Variants in PTPRD observed in about 807,000 individuals in gnomAD.
PTPRD encodes receptor-type tyrosine-protein phosphatase delta.
Under a neutral mutation model 214.5 loss-of-function variants are expected in PTPRD, and 34 were observed. That is an observed-to-expected ratio of 0.16 (90% CI 0.12 to 0.21). The LOEUF (loss-of-function observed/expected upper bound fraction) is 0.21. Ranked by LOEUF, PTPRD falls within the 10% of genes least tolerant of loss-of-function variation. The pLI, the probability that PTPRD is intolerant of heterozygous loss-of-function variation, is 1.00. For synonymous variants in PTPRD, 1,128 were observed against 845.7 expected (o/e 1.33, Z -5.79); for missense variants, 2,545 against 2,398.7 (o/e 1.06, Z -1.27).
intron 14 of PTPRD, among the ~76,000 whole-genome samples, chr9:8,627,957 G>C (rs763141401): frequency 6.6e-6 from 1 of 151,890 alleles, no homozygotes; most frequent in Non-Finnish European, 1.5e-5. Context: ...TATCGTGTTG[G>C]TATCAATGTA....
At chr9:10,476,634 A>G (rs1434334843) in intron 2 of PTPRD, among the ~76,000 whole-genome samples, 1 of 152,124 alleles carries the variant, frequency 6.6e-6, no homozygotes, top group Non-Finnish European at 1.5e-5. Context: ...GCTAGGAAAA[A>G]CTAATTTAAA....
chr9:8,948,468 C>CAT lies in PTPRD; in HGVS notation c.-104+70227_-104+70228dup, dbSNP rs1170862286. On this transcript the variant is annotated intron_variant, in intron 11 of 45. Transcript: ENST00000381196. Reference sequence around the variant, plus strand: ...ATATATATATTTATATATATATTTACATATATATATATTTATATATATATT... The same window carrying CAT: ...ATATATATATTTATATATATATTTACATATATATATATATTTATATATATATT... 2.5e-4 allele frequency among the ~76,000 whole-genome samples: 2 copies of CAT among 8,054 alleles called. 1 individual carries two copies. Among genetic ancestry groups the CAT allele is most frequent in the Non-Finnish European group, 4.7e-4 (2 of 4,272 alleles). The allele number at this position is 8,054 out of a possible 152,430, so 5.3% of individuals were successfully genotyped here.
At chr9:8,936,805 G>T (rs1040116304) in intron 11 of PTPRD, among the ~76,000 whole-genome samples, 7 of 152,088 alleles carry the variant, frequency 4.6e-5, no homozygotes, top group Non-Finnish European at 7.4e-5. Flanking sequence ...AAGGATAAAG[G>T]TTTATATGGT....
chr9:8,503,305 C>T (rs572258668), intron 23 of PTPRD, among the ~76,000 whole-genome samples: 1 of 152,190 alleles, frequency 6.6e-6, no homozygotes, highest in East Asian at 1.9e-4. Flanking sequence ...GTTAACAGAG[C>T]ATCTTCTTGA....
At chr9:8,765,061 T>C (rs537187769) in intron 11 of PTPRD, among the ~76,000 whole-genome samples, 3 of 152,262 alleles carry the variant, frequency 2.0e-5, no homozygotes, top group South Asian at 2.1e-4. Context: ...AAAATGATTA[T>C]CTAGCTTCCT....
intron 14 of PTPRD, among the ~76,000 whole-genome samples, chr9:8,594,870 T>A (rs1442877907): frequency 6.7e-6 from 1 of 149,038 alleles, no homozygotes; most frequent in Non-Finnish European, 1.5e-5. Flanking sequence ...CTTTTTTTTT[T>A]TTTTTTTTTT....
intron 11 of PTPRD, among the ~76,000 whole-genome samples, chr9:8,998,315 T>C (rs973912390): frequency 6.6e-6 from 1 of 152,008 alleles, no homozygotes; most frequent in African/African-American, 2.4e-5. Context: ...TGGTGACTTT[T>C]AGTGGAAGAC....
intron 11 of PTPRD, among the ~76,000 whole-genome samples, chr9:8,977,658 AAGG>A (rs2099275575): frequency 7.6e-6 from 1 of 131,516 alleles, no homozygotes; most frequent in Admixed American, 8.2e-5. Flanking sequence ...ATTCTGTAAC[AAGG>A]AGAATTTTTT....
intron 12 of PTPRD, among the ~76,000 whole-genome samples, chr9:8,641,824 T>C (rs2096583046): frequency 6.6e-6 from 1 of 152,234 alleles, no homozygotes; most frequent in African/African-American, 2.4e-5. Context: ...ATGCACAGTA[T>C]CTTTGAACCT....
chr9:9,073,760 C>T (rs930998361), intron 10 of PTPRD, among the ~76,000 whole-genome samples: 1 of 152,118 alleles, frequency 6.6e-6, no homozygotes, highest in Non-Finnish European at 1.5e-5. Flanking sequence ...ATATGTATAT[C>T]CTATTGTGCC....
At chr9:9,131,823 T>G (rs1368093555) in intron 10 of PTPRD, among the ~76,000 whole-genome samples, 1 of 152,248 alleles carries the variant, frequency 6.6e-6, no homozygotes, top group Admixed American at 6.5e-5. Flanking sequence ...TAGTGGTTCA[T>G]GTAGTAAAAT....
chr9:8,737,071 G>A (rs762297590), intron 11 of PTPRD, among the ~76,000 whole-genome samples: 5 of 152,156 alleles, frequency 3.3e-5, no homozygotes, highest in Non-Finnish European at 5.9e-5. Context: ...CACAGAGATG[G>A]AGACCTATGA....
In PTPRD at chr9:10,222,326, A is replaced by C. The variant is rs574393679; in HGVS notation, c.-545+118637T>G. 6.6e-5 allele frequency among the ~76,000 whole-genome samples: 10 copies of C among 152,164 alleles called. No homozygotes were observed. In the East Asian group the frequency reaches 1.9e-3, roughly 30 times the overall value. ...GCTTTTTTAGGAAAATACAATAACC[A>C]TAAATCTGTGTAAAAGAGAAAATAA... On this transcript the variant is annotated intron_variant, in intron 3 of 45. Transcript: ENST00000381196.
intron 2 of PTPRD, among the ~76,000 whole-genome samples, chr9:10,563,105 C>G (rs985389570): frequency 1.3e-5 from 2 of 152,092 alleles, no homozygotes; most frequent in Non-Finnish European, 2.9e-5. Context: ...GTGTAATTCC[C>G]CACTTGTCAT....
intron 34 of PTPRD, among the ~76,000 whole-genome samples, chr9:8,441,342 T>C (rs1394527079): frequency 6.6e-6 from 1 of 152,160 alleles, no homozygotes; most frequent in Non-Finnish European, 1.5e-5. Flanking sequence ...GGTGAAATTA[T>C]TCAGCTCCAG....
intron 7 of PTPRD, among the ~76,000 whole-genome samples, chr9:9,625,049 A>G (rs1785548261): frequency 6.6e-6 from 1 of 152,190 alleles, no homozygotes; most frequent in Non-Finnish European, 1.5e-5. Context: ...TGACTCTTAA[A>G]TCCATAGTGA....
At chr9:10,463,468 T>C (rs1354701916) in intron 2 of PTPRD, among the ~76,000 whole-genome samples, 1 of 152,174 alleles carries the variant, frequency 6.6e-6, no homozygotes, top group Non-Finnish European at 1.5e-5. Context: ...AAGTTGTTTA[T>C]TTCAATTCAC....
At chr9:9,288,827 C>T (rs1319912018) in intron 9 of PTPRD, among the ~76,000 whole-genome samples, 3 of 151,806 alleles carry the variant, frequency 2.0e-5, no homozygotes, top group Non-Finnish European at 2.9e-5. Flanking sequence ...GTGATGTTCT[C>T]ATGATAGTAG....
intron 3 of PTPRD, among the ~76,000 whole-genome samples, chr9:10,337,925 C>T (rs1464243334): frequency 4.0e-5 from 6 of 151,524 alleles, no homozygotes; most frequent in Admixed American, 2.0e-4. Flanking sequence ...TGTTAAAATA[C>T]GTTTTCAGCA....
Sources: allele counts gnomAD v4.1 joint callset (sites outside exome capture counted in the v4.1 genomes callset), GRCh38; gene constraint gnomAD v4.1.1; transcripts MANE v1.5; gene names NCBI Gene and HGNC (gene_info 2026-07-23, HGNC 2026-07-21).